The following DNMT3A variants were observed in gnomAD, a reference collection of about 807,000 sequenced individuals.
The protein encoded by DNMT3A is DNA (cytosine-5)-methyltransferase 3A.
A neutral mutation model predicts 117.6 loss-of-function variants in DNMT3A; 267 were observed. The observed-to-expected ratio is 2.27, with a 90% confidence interval of 2.05 to 2.51. The LOEUF is 2.51. DNMT3A is among the 30% of genes most tolerant of loss of function. DNMT3A has a pLI of 0.00. For missense variants in DNMT3A, 1,029 were observed against 1,260.2 expected, an observed-to-expected ratio of 0.82 and a Z score of 2.78; for synonymous variants, 432 against 474.8, an observed-to-expected ratio of 0.91 and a Z score of 1.17.
At chr2:25,320,571 AGAAG>A (rs1473672004) in intron 1 of DNMT3A, among the ~76,000 whole-genome samples, 1 of 152,228 alleles carries the variant, frequency 6.6e-6, no homozygotes, top group Non-Finnish European at 1.5e-5. Flanking sequence ...AAATTATATT[AGAAG>A]TTGTGGTAGG....
chr2:25,290,985 G>A (rs1430264425), intron 3 of DNMT3A, among the ~76,000 whole-genome samples: 7 of 152,120 alleles, frequency 4.6e-5, no homozygotes, highest in Admixed American at 3.3e-4. Flanking sequence ...CATGCCAACC[G>A]GGAACCCTGG....
Position 25,264,132 on chromosome 2 carries a change from GTTTTTTTTT to G in DNMT3A, c.639+10800_639+10808del, listed in dbSNP as rs1175186554. On this transcript the variant is annotated intron_variant, in intron 6 of 22. Transcript: ENST00000321117. Reference sequence around the variant, plus strand: ...TCAGTAAAGGCTGGACAACCCTTTGGTTTTTTTTTTTTTTTTTTTTTTTTTGAGACAAGG... The same window carrying G: ...TCAGTAAAGGCTGGACAACCCTTTGGTTTTTTTTTTTTTTTTGAGACAAGG... Among the ~76,000 whole-genome samples, 61 of 73,762 alleles carry G rather than the reference GTTTTTTTTT, an allele frequency of 8.3e-4. 1 individual carries two copies. The South Asian group carries it at 0.038, about 46-fold the overall frequency. 48.4% of individuals were successfully genotyped at this position (73,762 alleles called of 152,430 possible).
In DNMT3A at chr2:25,231,730, A is replaced by C. The variant is rs1187570454; in HGVS notation, c.*2549T>G. On this transcript the variant is annotated 3_prime_UTR_variant, in exon 23 of 23. Coordinates refer to ENST00000321117, the MANE Select transcript of DNMT3A (RefSeq NM_022552.5). ...CAGTATCACAGGTTGCTAACAGAAG[A>C]ATCTTTTGACATCACCAGGGGCAAA... The C allele has an allele frequency of 6.6e-6, 1 of 152,144 alleles. No individual in the cohort carries two copies. The highest frequency in any genetic ancestry group is 1.5e-5 in the Non-Finnish European group (1 of 68,054). 9.4% of individuals were successfully genotyped at this position (152,144 alleles called of 1,614,324 possible). A position where few individuals can be genotyped will look rare whatever the true frequency, so the allele number is the denominator to read the frequency against.
intron 2 of DNMT3A, among the ~76,000 whole-genome samples, chr2:25,300,626 TATCTAAATAATATATTATTTAG>T (rs2033384229): frequency 4.1e-5 from 4 of 97,850 alleles, no homozygotes; most frequent in African/African-American, 7.0e-5. Flanking sequence ...ATTATTTAGA[TATCTAAATAATATATTATTTAG>T]ATATCTAAAT....
chr2:25,329,011 T>G lies in DNMT3A; in HGVS notation c.-178+12815A>C, dbSNP rs547618736. ...TCCCTCTTGGGTCAAAACCAGGAGG[T>G]CCCCCAAAGGGTCTTCAGGGCTTGG... On this transcript the variant is annotated intron_variant, in intron 1 of 22. Coordinates refer to ENST00000321117, the MANE Select transcript of DNMT3A (RefSeq NM_022552.5). Among the ~76,000 whole-genome samples the G allele has an allele frequency of 9.2e-5, 14 of 152,042 alleles. No individual in the cohort carries two copies. The East Asian group carries it at 2.7e-3, about 29-fold the overall frequency.
chr2:25,284,804 T>C (rs556768192), intron 3 of DNMT3A, among the ~76,000 whole-genome samples: 1 of 152,164 alleles, frequency 6.6e-6, no homozygotes, highest in African/African-American at 2.4e-5. Flanking sequence ...GATTTTTTCC[T>C]ATGCATTGAC....
chr2:25,316,386 C>G (rs1049995130), intron 1 of DNMT3A, among the ~76,000 whole-genome samples: 2 of 152,238 alleles, frequency 1.3e-5, no homozygotes, highest in Admixed American at 6.5e-5. Context: ...ACTCTGACAT[C>G]TGAGCTGCAG....
chr2:25,263,665 T>C (rs527260572), intron 6 of DNMT3A, among the ~76,000 whole-genome samples: 42 of 152,158 alleles, frequency 2.8e-4, no homozygotes, highest in African/African-American at 9.9e-4. Flanking sequence ...AGAGAGAACA[T>C]TGGCTATTAT....
At position 25,327,761 on chromosome 2, in the gene DNMT3A, T is replaced by G. The variant is rs1347032576; in HGVS notation, c.-177-13600A>C. Among the ~76,000 whole-genome samples, 4 of 152,186 alleles carry G rather than the reference T, an allele frequency of 2.6e-5. No individual in the cohort carries two copies. Among genetic ancestry groups the G allele is most frequent in the Admixed American group, 2.6e-4 (4 of 15,278 alleles). On this transcript the variant is annotated intron_variant, in intron 1 of 22. Coordinates refer to ENST00000321117, the MANE Select transcript of DNMT3A (RefSeq NM_022552.5). The surrounding 1 kb of genome is among the most constrained non-coding windows in gnomAD (Gnocchi z 4.1). ...ACTGGATGACTTGCAGTCCCTAAAA[T>G]CCTACTCTTCCAGAACATGCTTCTT...
At chr2:25,240,761 G>A (rs2149274665) in intron 17 of DNMT3A, 31 bp from the exon 18 acceptor site, 1 of 1,595,352 alleles carries the variant, frequency 6.3e-7, no homozygotes, top group Admixed American at 1.7e-5. Context: ...TGATGGGCCT[G>A]CTGTCCAGGG....
rs758881009 is a variant in DNMT3A at position 25,247,628 on chromosome 2, C to A, written c.977G>T (p.Arg326Leu). Reference protein sequence around the residue: ...TGRSRAAEGTRWVMWFGDGKF... With the variant: ...TGRSRAAEGTLWVMWFGDGKF... ...GCCGTCTCCGAACCACATGACCCAG[C>A]GGGTGCCTTCAGCTGCTCGGCTCCG... is the stretch of plus-strand genomic sequence containing the variant. The change falls in exon 8 of 23, where the codon CGC becomes CTC. Residue 326 changes from arginine to leucine, a missense_variant. Transcript: ENST00000321117. The surrounding 1 kb of genome is among the most constrained non-coding windows in gnomAD (Gnocchi z 5.6). 3.1e-6 allele frequency: 5 copies of A among 1,614,064 alleles called. No homozygotes were observed. The highest frequency in any genetic ancestry group is 2.2e-5 in the East Asian group (1 of 44,878).
In DNMT3A at chr2:25,236,241, T is replaced by G. The variant is rs187254288; in HGVS notation, c.2479-416A>C. 6.6e-6 allele frequency among the ~76,000 whole-genome samples: 1 copy of G among 152,270 alleles called. No homozygotes were observed. The highest frequency in any genetic ancestry group is 2.4e-5 in the African/African-American group (1 of 41,540). On this transcript the variant is annotated intron_variant, in intron 21 of 22. Coordinates refer to ENST00000321117, the MANE Select transcript of DNMT3A (RefSeq NM_022552.5). The surrounding 1 kb of genome is among the most constrained non-coding windows in gnomAD (Gnocchi z 4.5). ...CCACCATGCCTGGCTAATTTTTATA[T>G]TTTTAGTCAGACAGGGTTTCACCGT...
Position 25,294,245 on chromosome 2 carries a change from A to G in DNMT3A, c.177+5894T>C, listed in dbSNP as rs1439148455. 1.3e-5 allele frequency among the ~76,000 whole-genome samples: 2 copies of G among 152,076 alleles called. No homozygotes were observed. Among genetic ancestry groups the G allele is most frequent in the African/African-American group, 4.8e-5 (2 of 41,410 alleles). ...GTCCCACTGCACTTAAGTCCCCACC[A>G]TGGGCTAGGCCCTTCCATGCAGCAC... On this transcript the variant is annotated intron_variant, in intron 3 of 22. Coordinates refer to ENST00000321117, the MANE Select transcript of DNMT3A (RefSeq NM_022552.5). The surrounding 1 kb of genome is among the most constrained non-coding windows in gnomAD (Gnocchi z 4.7).
chr2:25,314,278 C>G (rs2034275672), intron 1 of DNMT3A, 117 bp from the exon 2 acceptor site: 1 of 1,252,354 alleles, frequency 8.0e-7, no homozygotes, highest in South Asian at 2.2e-5. Context: ...TCCTTCTGGC[C>G]TCACCAGCAC....
chr2:25,247,209 C>T lies in DNMT3A; in HGVS notation c.1015-51G>A. ...TGCCGAGGCTTACACTTGCAAGCAC[C>T]CACCCCATGCCTTGCAACTGGCAGG... On this transcript the variant is annotated intron_variant, in intron 8 of 22. Transcript: ENST00000321117. This position sits in a 1 kb window ranked among gnomAD's most constrained non-coding sequence, Gnocchi z 5.6. The T allele has an allele frequency of 7.6e-6, 12 of 1,570,560 alleles. No homozygotes were observed. The highest frequency in any genetic ancestry group is 7.8e-6 in the Non-Finnish European group (9 of 1,147,648).
Position 25,293,552 on chromosome 2 carries a change from A to G in DNMT3A, c.177+6587T>C, listed in dbSNP as rs898510457. On this transcript the variant is annotated intron_variant, in intron 3 of 22. Transcript: ENST00000321117. This position sits in a 1 kb window ranked among gnomAD's most constrained non-coding sequence, Gnocchi z 4.7. ...TCACCCAGCTGGAGTGCAGTGACAC[A>G]ATTATGGCTCACTGCAGCCTCAACC... 8.5e-5 allele frequency among the ~76,000 whole-genome samples: 13 copies of G among 152,238 alleles called. No individual in the cohort carries two copies. The highest frequency in any genetic ancestry group is 2.0e-4 in the Admixed American group (3 of 15,302).
intron 2 of DNMT3A, among the ~76,000 whole-genome samples, chr2:25,300,533 G>A (rs1231315086): frequency 6.8e-6 from 1 of 147,878 alleles, no homozygotes; most frequent in African/African-American, 2.5e-5. Flanking sequence ...CTTGAGGCCA[G>A]GAGTTTGAGA....
chr2:25,236,978 CT>C lies in DNMT3A; in HGVS notation c.2435del (p.Lys812SerfsTer13). 1.2e-6 allele frequency: 2 copies of C among 1,613,744 alleles called. No individual in the cohort carries two copies. Among genetic ancestry groups the C allele is most frequent in the Non-Finnish European group, 8.5e-7 (1 of 1,179,912 alleles). On this transcript the variant is annotated frameshift_variant, in exon 21 of 23. Transcript: ENST00000321117. LOFTEE classifies it high-confidence loss of function. The surrounding 1 kb of genome is among the most constrained non-coding windows in gnomAD (Gnocchi z 4.5). ...GCTCCAGACACTCCTGCAGCTCCAG[CT>C]TATCATTCACAGTGGATGCCAACGG... ...NRPLASTVND[K>X]LELQECLEHG...
At chr2:25,322,286 C>A (rs1445139618) in intron 1 of DNMT3A, among the ~76,000 whole-genome samples, 1 of 152,086 alleles carries the variant, frequency 6.6e-6, no homozygotes. Context: ...CTGCAGCCAT[C>A]GGTTGCGTTT....
Sources: allele counts gnomAD v4.1 joint callset (sites outside exome capture counted in the v4.1 genomes callset), GRCh38; gene constraint gnomAD v4.1.1; non-coding constraint Gnocchi (gnomAD v3.1); transcripts MANE v1.5; gene names NCBI Gene and HGNC (gene_info 2026-07-23, HGNC 2026-07-21).